The following LRRIQ1 variants were observed in gnomAD, a reference collection of about 807,000 sequenced individuals.
The protein encoded by LRRIQ1 is leucine rich repeats and IQ motif containing 1.
LRRIQ1 carries 210 observed loss-of-function variants against 211.9 expected under a neutral mutation model. The observed-to-expected ratio is 0.99, with a 90% CI of 0.89 to 1.11. LRRIQ1 has a LOEUF of 1.11. Ranked by LOEUF, LRRIQ1 falls within the 50% of genes most tolerant of loss-of-function variation. The probability of loss-of-function intolerance (pLI) is 0.00; values close to 1 mark genes in which losing one functional copy is unlikely to be tolerated. For missense variants in LRRIQ1, 2,136 were observed against 1,939.5 expected, an observed-to-expected ratio of 1.10 and a Z score of -1.90; for synonymous variants, 699 against 650.1, an observed-to-expected ratio of 1.08 and a Z score of -1.14.
At chr12:85,038,657 A>G (rs540264273) in intron 2 of LRRIQ1, among the ~76,000 whole-genome samples, 1 of 151,762 alleles carries the variant, frequency 6.6e-6, no homozygotes, top group Non-Finnish European at 1.5e-5. Flanking sequence ...CAATGTTTAT[A>G]TGCTTCAGAG....
intron 11 of LRRIQ1, among the ~76,000 whole-genome samples, chr12:85,076,780 A>ATT (rs35461127): frequency 1.4e-5 from 2 of 145,944 alleles, no homozygotes; most frequent in Non-Finnish European, 3.0e-5. Context: ...CTATTCAGTG[A>ATT]TTTTTTTTTT....
At chr12:85,197,894 AATATAATAAAAT>A (rs1893021554) in intron 24 of LRRIQ1, among the ~76,000 whole-genome samples, 1 of 128,244 alleles carries the variant, frequency 7.8e-6, no homozygotes, top group South Asian at 2.2e-4. Flanking sequence ...ACATAATAAA[AATATAATAAAAT>A]ATATAATAAA....
At chr12:85,198,474 A>AT (rs1189521602) in intron 24 of LRRIQ1, among the ~76,000 whole-genome samples, 1 of 151,508 alleles carries the variant, frequency 6.6e-6, no homozygotes, top group Non-Finnish European at 1.5e-5. Context: ...AGCATCTGTT[A>AT]TTTTTTTGAC....
rs182696040 is a variant in LRRIQ1 at position 85,235,149 on chromosome 12, A to C, written c.5016+2393A>C. Among the ~76,000 whole-genome samples, 11 of 152,342 alleles carry C rather than the reference A, an allele frequency of 7.2e-5. No individual in the cohort carries two copies. The East Asian group carries it at 2.1e-3, about 29-fold the overall frequency. ...CATTTCTGTCTTTCAAGGAAGAGCA[A>C]AGCATATTGCATGATAGGAATTAGA... On this transcript the variant is annotated intron_variant, in intron 26 of 26. Coordinates refer to ENST00000393217, the MANE Select transcript of LRRIQ1 (RefSeq NM_001079910.2).
chr12:85,070,404 A>G (rs954649664), intron 10 of LRRIQ1, among the ~76,000 whole-genome samples: 6 of 151,958 alleles, frequency 3.9e-5, no homozygotes, highest in Non-Finnish European at 4.4e-5. Context: ...CTATTTGATC[A>G]TTTCTTCCAC....
chr12:85,051,746 C>T (rs1020164635), intron 6 of LRRIQ1, among the ~76,000 whole-genome samples: 15 of 151,972 alleles, frequency 9.9e-5, no homozygotes, highest in African/African-American at 3.6e-4. Context: ...GGAGTCTTAT[C>T]GAATGTGTTG....
chr12:85,159,659 A>G (rs1890756855), intron 23 of LRRIQ1: 1 of 152,080 alleles, frequency 6.6e-6, no homozygotes, highest in Non-Finnish European at 1.5e-5. Context: ...AAAGGCAAGA[A>G]GAGCAAGAGA....
At chr12:85,177,484 C>G (rs1338206180) in intron 24 of LRRIQ1, among the ~76,000 whole-genome samples, 1 of 151,956 alleles carries the variant, frequency 6.6e-6, no homozygotes. Context: ...ACTAGGCAAG[C>G]GGGGGAGGTT....
At chr12:85,253,463 T>A (rs571026174) in intron 1 of LRRIQ1, among the ~76,000 whole-genome samples, 5 of 152,156 alleles carry the variant, frequency 3.3e-5, no homozygotes, top group African/African-American at 9.6e-5. Context: ...CACCTGTTAT[T>A]TAGAACCATC....
At chr12:85,175,828 T>G (rs1168153206) in intron 24 of LRRIQ1, among the ~76,000 whole-genome samples, 1 of 152,172 alleles carries the variant, frequency 6.6e-6, no homozygotes, top group Non-Finnish European at 1.5e-5. Context: ...ATATGCGGCA[T>G]TATTTCTGAG....
chr12:85,097,322 G>T (rs946228726), intron 11 of LRRIQ1, among the ~76,000 whole-genome samples: 1 of 152,062 alleles, frequency 6.6e-6, no homozygotes, highest in Non-Finnish European at 1.5e-5. Flanking sequence ...TCACATGGTG[G>T]CAGGAGAGAG....
intron 23 of LRRIQ1, among the ~76,000 whole-genome samples, chr12:85,158,282 G>A (rs749418828): frequency 3.3e-5 from 5 of 151,242 alleles, no homozygotes; most frequent in Non-Finnish European, 7.4e-5. Context: ...ACATTTTACA[G>A]TATGTGTGTG....
At chr12:85,046,245 T>C (rs1279953265) in intron 5 of LRRIQ1, 108 bp downstream of exon 5, 3 of 631,680 alleles carry the variant, frequency 4.7e-6, no homozygotes, top group African/African-American at 3.6e-5. Flanking sequence ...AGAAAAGCAA[T>C]TACAATGTTT....
chr12:85,265,235 G>A (rs962236576), downstream of LRRIQ1, among the ~76,000 whole-genome samples: 1 of 151,952 alleles, frequency 6.6e-6, no homozygotes, highest in Non-Finnish European at 1.5e-5. Flanking sequence ...GGTTTCCTAG[G>A]AAAGAGAAAC....
chr12:85,226,293 C>G (rs1347348582), intron 24 of LRRIQ1, among the ~76,000 whole-genome samples: 1 of 152,064 alleles, frequency 6.6e-6, no homozygotes, highest in Non-Finnish European at 1.5e-5. Flanking sequence ...AAAGGATTCT[C>G]TCCATATCAG....
chr12:85,237,438 A>G (rs1258168326), intron 26 of LRRIQ1, among the ~76,000 whole-genome samples: 1 of 152,090 alleles, frequency 6.6e-6, no homozygotes, highest in African/African-American at 2.4e-5. Context: ...AAAATACTAG[A>G]GAAAGTGTTG....
At chr12:85,049,117 G>A (rs1487908859) in intron 6 of LRRIQ1, among the ~76,000 whole-genome samples, 2 of 152,158 alleles carry the variant, frequency 1.3e-5, no homozygotes, top group African/African-American at 4.8e-5. Flanking sequence ...ATGCCTTGGA[G>A]CTTAAAAGTT....
chr12:85,230,467 T>A (rs1040917095), intron 25 of LRRIQ1, among the ~76,000 whole-genome samples: 1 of 152,150 alleles, frequency 6.6e-6, no homozygotes, highest in Admixed American at 6.5e-5. Flanking sequence ...AGGACACCAG[T>A]GATATTGGAT....
rs74932891 is a variant in LRRIQ1, at chr12:85,209,821, T to C, written c.4823-19696T>C. 8.3e-3 allele frequency among the ~76,000 whole-genome samples: 1,257 copies of C among 152,214 alleles called. 19 individuals carry two copies. Among genetic ancestry groups the C allele is most frequent in the African/African-American group, 0.029 (1,200 of 41,564 alleles). On this transcript the variant is annotated intron_variant, in intron 24 of 26. Coordinates refer to ENST00000393217, the MANE Select transcript of LRRIQ1 (RefSeq NM_001079910.2). The stretch of plus-strand genomic sequence containing the variant: ...ACAACATCCATGAAAAAAAATACAA[T>C]TACCCTCATTTTTTTGGAGACTGAA...
Sources: gnomAD v4.1 joint callset for allele counts (sites outside exome capture counted in the v4.1 genomes callset) on GRCh38, gnomAD v4.1.1 for gene constraint, MANE v1.5 for transcripts, NCBI Gene and HGNC (gene_info 2026-07-23, HGNC 2026-07-21) for gene names.